SHROOM3: variants seen among roughly 807,000 people sequenced by gnomAD.
SHROOM3 encodes protein Shroom3.
In SHROOM3, 47 loss-of-function variants were observed where a neutral mutation model predicts 138.6. That is an observed-to-expected ratio of 0.34 (90% CI 0.27 to 0.43). SHROOM3 has a LOEUF of 0.43. Ranked by LOEUF, SHROOM3 falls within the 20% of genes least tolerant of loss-of-function variation. The probability of loss-of-function intolerance (pLI) is 1.00; values close to 1 mark genes in which losing one functional copy is unlikely to be tolerated. For missense variants in SHROOM3, 2,491 were observed against 2,596.5 expected (o/e 0.96, Z 0.88); for synonymous variants, 1,062 against 1,063.3 (o/e 1.00, Z 0.02).
At chr4:76,640,923 G>A (rs530997376) in intron 2 of SHROOM3, among the ~76,000 whole-genome samples, 142 of 152,304 alleles carry the variant, frequency 9.3e-4, no homozygotes, top group African/African-American at 3.2e-3. Flanking sequence ...AAACCAAGCA[G>A]TGGGTCAAAC....
intron 1 of SHROOM3, among the ~76,000 whole-genome samples, chr4:76,501,459 T>C (rs914429233): frequency 6.6e-6 from 1 of 152,192 alleles, no homozygotes; most frequent in South Asian, 2.1e-4. Flanking sequence ...GACCTTTTAC[T>C]CTGGTTCCTG....
chr4:76,615,094 A>G (rs1004692604), intron 2 of SHROOM3, among the ~76,000 whole-genome samples: 1 of 152,230 alleles, frequency 6.6e-6, no homozygotes, highest in Admixed American at 6.5e-5. Flanking sequence ...GAGCATGGAT[A>G]CAAAAGCAGC....
intron 1 of SHROOM3, among the ~76,000 whole-genome samples, chr4:76,491,388 T>C (rs1377713647): frequency 6.6e-6 from 1 of 152,214 alleles, no homozygotes; most frequent in Non-Finnish European, 1.5e-5. Context: ...ATGTGGCAGC[T>C]CTTTCTTCAT....
intron 2 of SHROOM3, among the ~76,000 whole-genome samples, chr4:76,584,839 G>A (rs1269945892): frequency 1.3e-5 from 2 of 152,058 alleles, no homozygotes; most frequent in Non-Finnish European, 2.9e-5. Context: ...GATAAGAACA[G>A]TGCTTTCCTA....
intron 1 of SHROOM3, among the ~76,000 whole-genome samples, chr4:76,499,506 A>T (rs1375381555): frequency 6.6e-6 from 1 of 152,252 alleles, no homozygotes; most frequent in Non-Finnish European, 1.5e-5. Flanking sequence ...CAATATACTG[A>T]AATTCCAATA....
At chr4:76,490,278 A>G (rs966043213) in intron 1 of SHROOM3, among the ~76,000 whole-genome samples, 7 of 152,162 alleles carry the variant, frequency 4.6e-5, no homozygotes, top group Non-Finnish European at 7.4e-5. Context: ...AACCATTCAG[A>G]GGCTGGAGTG....
At chr4:76,696,365 C>T (rs1265044983) in intron 2 of SHROOM3, among the ~76,000 whole-genome samples, 2 of 152,204 alleles carry the variant, frequency 1.3e-5, no homozygotes, top group African/African-American at 4.8e-5. Context: ...TCACTACTGG[C>T]AGCTGGAATG....
At chr4:76,684,653 A>G (rs562290874) in intron 2 of SHROOM3, among the ~76,000 whole-genome samples, 4 of 152,244 alleles carry the variant, frequency 2.6e-5, no homozygotes, top group African/African-American at 7.2e-5. Flanking sequence ...ACAACAGAAA[A>G]CCTGGAGGTG....
At chr4:76,614,453 C>T (rs558109367) in intron 2 of SHROOM3, among the ~76,000 whole-genome samples, 29 of 152,210 alleles carry the variant, frequency 1.9e-4, no homozygotes, top group African/African-American at 6.5e-4. Context: ...CTTCTCAACT[C>T]TAATAGGTTA....
chr4:76,476,890 G>A (rs906812661), intron 1 of SHROOM3, among the ~76,000 whole-genome samples: 1 of 152,190 alleles, frequency 6.6e-6, no homozygotes, highest in African/African-American at 2.4e-5. Flanking sequence ...GAGTTCCTAC[G>A]AGTGTGGAGA....
chr4:76,687,700 A>G (rs1349255268), intron 2 of SHROOM3, among the ~76,000 whole-genome samples: 3 of 152,234 alleles, frequency 2.0e-5, no homozygotes, highest in Non-Finnish European at 4.4e-5. Context: ...TCCAGAATCT[A>G]TGTTACAAAG....
intron 2 of SHROOM3, among the ~76,000 whole-genome samples, chr4:76,643,538 T>C (rs1190678917): frequency 6.6e-6 from 1 of 152,182 alleles, no homozygotes; most frequent in Non-Finnish European, 1.5e-5. Flanking sequence ...TAAACAGTGA[T>C]GTTTGTTATC....
At chr4:76,475,011 T>C (rs1027719948) in intron 1 of SHROOM3, among the ~76,000 whole-genome samples, 1 of 152,156 alleles carries the variant, frequency 6.6e-6, no homozygotes, top group Non-Finnish European at 1.5e-5. Flanking sequence ...TCATTTTGAT[T>C]CATCTCTGCG....
intron 1 of SHROOM3, among the ~76,000 whole-genome samples, chr4:76,551,970 T>C (rs1319119567): frequency 6.7e-6 from 1 of 149,908 alleles, no homozygotes; most frequent in Non-Finnish European, 1.5e-5. Context: ...CACGCCATTC[T>C]CCTGCCTCAG....
At chr4:76,461,023 A>G (rs1025998657) in intron 1 of SHROOM3, among the ~76,000 whole-genome samples, 1 of 128,712 alleles carries the variant, frequency 7.8e-6, no homozygotes, top group South Asian at 3.1e-4. Flanking sequence ...AAAAATTTAA[A>G]AAAAAAAAGA....
intron 1 of SHROOM3, among the ~76,000 whole-genome samples, chr4:76,453,690 T>C (rs766263382): frequency 6.6e-6 from 1 of 152,212 alleles, no homozygotes; most frequent in Non-Finnish European, 1.5e-5. Flanking sequence ...TTTGGTGAAA[T>C]GTCTGTTCCA....
At chr4:76,643,969 A>C (rs1474194498) in intron 2 of SHROOM3, among the ~76,000 whole-genome samples, 1 of 151,432 alleles carries the variant, frequency 6.6e-6, no homozygotes, top group Admixed American at 6.6e-5. Context: ...CTCGGCCTCC[A>C]AAGTAGCTGG....
intron 2 of SHROOM3, among the ~76,000 whole-genome samples, chr4:76,568,040 C>T (rs1265635981): frequency 2.0e-5 from 3 of 152,110 alleles, no homozygotes; most frequent in Non-Finnish European, 4.4e-5. Flanking sequence ...ATCCTCACAC[C>T]CTTCTAATCT....
intron 3 of SHROOM3, chr4:76,716,348 G>C: frequency 1.9e-6 from 1 of 518,946 alleles, no homozygotes; most frequent in South Asian, 1.4e-5. Context: ...TTTATTCCAC[G>C]ACTGAATATG....
Sources: gnomAD v4.1 joint callset for allele counts (sites outside exome capture counted in the v4.1 genomes callset) on GRCh38, gnomAD v4.1.1 for gene constraint, MANE v1.5 for transcripts, NCBI Gene and HGNC (gene_info 2026-07-23, HGNC 2026-07-21) for gene names.